GRM3: variants seen among roughly 807,000 people sequenced by gnomAD.
GRM3 encodes the protein metabotropic glutamate receptor 3.
GRM3 carries 26 observed loss-of-function variants against 70.5 expected under a neutral mutation model. The observed-to-expected ratio is 0.37, with a 90% CI of 0.27 to 0.51. The LOEUF is 0.51. Ranked by LOEUF, GRM3 falls within the 20% of genes least tolerant of loss-of-function variation. The pLI is 0.93. For missense variants in GRM3, 859 were observed against 1,123.8 expected (o/e 0.76, Z 3.37); for synonymous variants, 443 against 434.9 (o/e 1.02, Z -0.23).
Position 86,673,731 on chromosome 7 carries a change from A to G in GRM3, c.-141+28859A>G, listed in dbSNP as rs534806557. ...CAGACAATTCAAACTGGATCTCCCA[A>G]ACTGAATCCATTCTCTCTCTAATAC... On this transcript the variant is annotated intron_variant, in intron 1 of 5. Coordinates refer to ENST00000361669, the MANE Select transcript of GRM3 (RefSeq NM_000840.3). 6.4e-4 allele frequency among the ~76,000 whole-genome samples: 98 copies of G among 152,226 alleles called. 1 individual carries two copies. The highest frequency in any genetic ancestry group is 6.4e-3 in the South Asian group (31 of 4,822).
At chr7:86,741,670 CA>C (rs1403129663) in intron 1 of GRM3, among the ~76,000 whole-genome samples, 3 of 152,092 alleles carry the variant, frequency 2.0e-5, no homozygotes, top group African/African-American at 7.2e-5. Context: ...CAGATGTTTC[CA>C]AAATTCTTGG....
chr7:86,732,359 G>A (rs534651602), intron 1 of GRM3, among the ~76,000 whole-genome samples: 1 of 152,256 alleles, frequency 6.6e-6, no homozygotes, highest in African/African-American at 2.4e-5. Flanking sequence ...GCAGATCCAA[G>A]GTAGGGCAGA....
At chr7:86,799,078 T>G (rs1265352303) in intron 3 of GRM3, among the ~76,000 whole-genome samples, 2 of 152,176 alleles carry the variant, frequency 1.3e-5, no homozygotes, top group Non-Finnish European at 2.9e-5. Context: ...TTTCCTTTGT[T>G]AGCTGTATTC....
chr7:86,837,907 A>T (rs955835923), intron 3 of GRM3, among the ~76,000 whole-genome samples: 3 of 152,228 alleles, frequency 2.0e-5, no homozygotes, highest in Admixed American at 1.3e-4. Context: ...GCAGTGAAAT[A>T]GAAGCACACA....
At chr7:86,649,820 A>G (rs1025955521) in intron 1 of GRM3, among the ~76,000 whole-genome samples, 1 of 152,190 alleles carries the variant, frequency 6.6e-6, no homozygotes, top group African/African-American at 2.4e-5. Context: ...ATAAATATTT[A>G]TTAAGTACCT....
intron 3 of GRM3, among the ~76,000 whole-genome samples, chr7:86,799,422 G>C (rs147298452): frequency 4.1e-4 from 63 of 152,262 alleles, no homozygotes; most frequent in African/African-American, 1.4e-3. Flanking sequence ...TCCTTGTCTT[G>C]TGCCAGTTTT....
At chr7:86,861,269 T>G (rs1210862054) in intron 5 of GRM3, among the ~76,000 whole-genome samples, 3 of 152,208 alleles carry the variant, frequency 2.0e-5, no homozygotes, top group African/African-American at 7.2e-5. Flanking sequence ...AAACTTCCAT[T>G]GGTTTCCTGA....
intron 1 of GRM3, among the ~76,000 whole-genome samples, chr7:86,761,311 T>A (rs1796475036): frequency 6.6e-6 from 1 of 152,124 alleles, no homozygotes; most frequent in Non-Finnish European, 1.5e-5. Context: ...ACTTAAGCAG[T>A]AAATGTAGGT....
intron 1 of GRM3, among the ~76,000 whole-genome samples, chr7:86,698,011 T>A (rs2116074272): frequency 6.6e-6 from 1 of 152,286 alleles, no homozygotes; most frequent in African/African-American, 2.4e-5. Context: ...TTAAATAAGT[T>A]GACTGGTCTT....
In GRM3 at chr7:86,822,239, A is replaced by G. The variant is rs184127012; in HGVS notation, c.1325-16600A>G. ...AGGATGAATTTCACTTATAGCTCCC[A>G]GGTTACAATTTCTGTTTGAAAAATA... On this transcript the variant is annotated intron_variant, in intron 3 of 5. Coordinates refer to ENST00000361669, the MANE Select transcript of GRM3 (RefSeq NM_000840.3). Among the ~76,000 whole-genome samples, 154 of 152,280 alleles carry G rather than the reference A, an allele frequency of 1.0e-3. 1 individual carries two copies. Among genetic ancestry groups the G allele is most frequent in the Non-Finnish European group, 1.9e-3 (129 of 68,024 alleles).
At chr7:86,699,565 A>G (rs546476468) in intron 1 of GRM3, among the ~76,000 whole-genome samples, 1 of 152,196 alleles carries the variant, frequency 6.6e-6, no homozygotes, top group East Asian at 1.9e-4. Flanking sequence ...ATGGTATTAT[A>G]GGGAACTTGT....
intron 1 of GRM3, among the ~76,000 whole-genome samples, chr7:86,734,032 C>T (rs934385123): frequency 2.0e-5 from 3 of 152,184 alleles, no homozygotes; most frequent in Non-Finnish European, 4.4e-5. Flanking sequence ...ATCCATTTTC[C>T]TTACAGGGAG....
chr7:86,801,181 C>T (rs1384509347), intron 3 of GRM3, among the ~76,000 whole-genome samples: 1 of 150,044 alleles, frequency 6.7e-6, no homozygotes, highest in Non-Finnish European at 1.5e-5. Context: ...AGCAATTCTC[C>T]TGCCTCAGCG....
chr7:86,692,656 G>A (rs187332623), intron 1 of GRM3, among the ~76,000 whole-genome samples: 36 of 152,102 alleles, frequency 2.4e-4, no homozygotes, highest in African/African-American at 8.7e-4. Flanking sequence ...TCTTTTATTA[G>A]AATATTAAGG....
intron 1 of GRM3, among the ~76,000 whole-genome samples, chr7:86,749,022 C>A (rs1584213109): frequency 6.6e-6 from 1 of 152,110 alleles, no homozygotes; most frequent in East Asian, 1.9e-4. Context: ...ATATTTTATG[C>A]AAAGTTGAGG....
At chr7:86,701,635 GAT>G (rs1157051680) in intron 1 of GRM3, among the ~76,000 whole-genome samples, 2 of 151,842 alleles carry the variant, frequency 1.3e-5, no homozygotes, top group African/African-American at 4.8e-5. Context: ...AAGGGTAAAA[GAT>G]ATCCAGGTGT....
chr7:86,774,545 A>T (rs1203406644), intron 2 of GRM3, among the ~76,000 whole-genome samples: 1 of 152,130 alleles, frequency 6.6e-6, no homozygotes, highest in Non-Finnish European at 1.5e-5. Context: ...AATAAAGCGA[A>T]CTGCAATACA....
At position 86,644,809 on chromosome 7, in the gene GRM3, A is replaced by T; in HGVS notation, c.-204A>T. 1 of 1,289,620 alleles carries T rather than the reference A, an allele frequency of 7.8e-7. No individual in the cohort carries two copies. The highest frequency in any genetic ancestry group is 1.0e-6 in the Non-Finnish European group (1 of 988,696). 79.9% of individuals were successfully genotyped at this position (1,289,620 alleles called of 1,614,324 possible). On this transcript the variant is annotated 5_prime_UTR_variant, in exon 1 of 6. Transcript: ENST00000361669. Reference sequence around the variant, plus strand: ...CAACCATGAGCCAGAGCCCGGGTGCAGGCTCACCGCCGCCGCTGCCACCGC... The same window carrying T: ...CAACCATGAGCCAGAGCCCGGGTGCTGGCTCACCGCCGCCGCTGCCACCGC...
At chr7:86,864,207 ATTG>A in intron 5 of GRM3, 72 bp from the exon 6 acceptor site, 1 of 794,594 alleles carries the variant, frequency 1.3e-6, no homozygotes, top group East Asian at 2.4e-5. Context: ...CCCAAAGTCC[ATTG>A]TATCCTTCAT....
Sources: allele counts gnomAD v4.1 joint callset (sites outside exome capture counted in the v4.1 genomes callset), GRCh38; gene constraint gnomAD v4.1.1; transcripts MANE v1.5; gene names NCBI Gene and HGNC (gene_info 2026-07-23, HGNC 2026-07-21).